PATJ: variants seen among roughly 807,000 people sequenced by gnomAD.
PATJ encodes inaD-like protein.
In PATJ, 190 loss-of-function variants were observed where a neutral mutation model predicts 224.9. That is an observed-to-expected ratio of 0.84 (90% CI 0.75 to 0.95). PATJ has a LOEUF of 0.95. Among genes scored for constraint, PATJ ranks in the 40% least tolerant of loss-of-function variants. The pLI is 0.00. For synonymous variants in PATJ, 769 were observed against 820.3 expected (o/e 0.94, Z 1.07); for missense variants, 2,121 against 2,270.3 (o/e 0.93, Z 1.34).
chr1:61,760,383 A>C (rs916015733), intron 1 of PATJ, among the ~76,000 whole-genome samples: 1 of 152,142 alleles, frequency 6.6e-6, no homozygotes, highest in African/African-American at 2.4e-5. Context: ...ATGTAAGAAA[A>C]TTTTGATTGT....
intron 37 of PATJ, among the ~76,000 whole-genome samples, chr1:62,120,202 C>CT (rs1481715507): frequency 1.3e-5 from 2 of 151,976 alleles, no homozygotes; most frequent in Non-Finnish European, 2.9e-5. Context: ...AGATAAATGG[C>CT]TATGTGATAA....
chr1:62,040,006 T>TTCTG, intron 30 of PATJ, among the ~76,000 whole-genome samples: 1 of 152,098 alleles, frequency 6.6e-6, no homozygotes, highest in Middle Eastern at 3.4e-3. Flanking sequence ...GAGGGTTCCT[T>TTCTG]TCTGGATCTC....
chr1:61,843,781 T>G (rs183856515), intron 17 of PATJ, among the ~76,000 whole-genome samples: 4 of 151,984 alleles, frequency 2.6e-5, no homozygotes, highest in African/African-American at 9.7e-5. Context: ...TAATCAGTGT[T>G]CCTATTATAT....
chr1:61,822,843 T>C, intron 14 of PATJ, 102 bp from the exon 15 acceptor site: 1 of 1,373,902 alleles, frequency 7.3e-7, no homozygotes, highest in Non-Finnish European at 1.0e-6. Context: ...GGTGATCTAA[T>C]TCAAGAGGTG....
Position 61,871,459 on chromosome 1 carries a change from A to ATATATATGTATATACATATATATGCG in PATJ, c.2836-3760_2836-3759insCGTATATATGTATATACATATATATG, listed in dbSNP as rs1557792974. On this transcript the variant is annotated intron_variant, in intron 20 of 43. Coordinates refer to ENST00000642238, the MANE Select transcript of PATJ (RefSeq NM_001350145.3). ...TGTGTATATACACATATATATGCGT[A>ATATATATGTATATACATATATATGCG]TATATATGTATATACATATATATGT... 2.8e-3 allele frequency among the ~76,000 whole-genome samples: 159 copies of ATATATATGTATATACATATATATGCG among 55,884 alleles called. 2 individuals carry two copies. The highest frequency in any genetic ancestry group is 3.8e-3 in the Admixed American group (15 of 3,898). The allele number at this position is 55,884 out of a possible 152,430, so 36.7% of individuals were successfully genotyped here.
chr1:61,949,071 GGCGGGGA>G (rs1679210690), intron 27 of PATJ, among the ~76,000 whole-genome samples: 2 of 143,506 alleles, frequency 1.4e-5, no homozygotes, highest in African/African-American at 2.6e-5. Context: ...TTGTGGGGTC[GGCGGGGA>G]GCGGGGAGGG....
chr1:61,798,889 G>GA (rs915015529), intron 11 of PATJ, among the ~76,000 whole-genome samples: 1,803 of 140,840 alleles, frequency 0.013, 41 homozygotes, highest in African/African-American at 0.044. Flanking sequence ...TCTCTTAAAA[G>GA]AAAAAAAAAA....
intron 17 of PATJ, among the ~76,000 whole-genome samples, chr1:61,840,983 A>C (rs541376792): frequency 2.0e-5 from 3 of 152,080 alleles, no homozygotes; most frequent in Admixed American, 2.0e-4. Flanking sequence ...TGAATTTGCT[A>C]ATGGTTTTCT....
chr1:62,102,035 G>A (rs141507444), intron 33 of PATJ, among the ~76,000 whole-genome samples: 102 of 151,994 alleles, frequency 6.7e-4, no homozygotes, highest in Non-Finnish European at 1.2e-3. Context: ...AAAAATTAGC[G>A]GAGCATGGTG....
At chr1:61,898,208 A>G (rs1408561398) in intron 22 of PATJ, among the ~76,000 whole-genome samples, 2 of 152,172 alleles carry the variant, frequency 1.3e-5, no homozygotes, top group African/African-American at 4.8e-5. Flanking sequence ...TGTGTAAAAT[A>G]TAATATGATC....
intron 6 of PATJ, among the ~76,000 whole-genome samples, chr1:61,774,946 G>C (rs1646832776): frequency 6.6e-6 from 1 of 152,160 alleles, no homozygotes; most frequent in African/African-American, 2.4e-5. Flanking sequence ...CTTAGGGCTA[G>C]TGCCTTATGA....
At chr1:61,930,138 A>G (rs1372413572) in intron 27 of PATJ, among the ~76,000 whole-genome samples, 2 of 151,956 alleles carry the variant, frequency 1.3e-5, no homozygotes, top group East Asian at 1.9e-4. Context: ...CTCTTCATTC[A>G]TTTTGCTTCC....
At chr1:62,063,316 G>C (rs1389710126) in intron 31 of PATJ, among the ~76,000 whole-genome samples, 2 of 152,128 alleles carry the variant, frequency 1.3e-5, no homozygotes, top group Non-Finnish European at 2.9e-5. Context: ...GTTGGTTGTA[G>C]GTGTGCAACT....
At chr1:61,852,973 C>T (rs1382112482) in intron 17 of PATJ, among the ~76,000 whole-genome samples, 2 of 152,126 alleles carry the variant, frequency 1.3e-5, no homozygotes, top group African/African-American at 4.8e-5. Context: ...CATAATGGGG[C>T]ATCTTCAGAG....
At chr1:61,835,867 G>A (rs1660096897) in intron 17 of PATJ, among the ~76,000 whole-genome samples, 1 of 152,216 alleles carries the variant, frequency 6.6e-6, no homozygotes, top group Non-Finnish European at 1.5e-5. Flanking sequence ...ATTTAATTTA[G>A]AAGATACCTT....
chr1:61,940,640 C>A (rs190634304), intron 27 of PATJ, among the ~76,000 whole-genome samples: 2 of 150,530 alleles, frequency 1.3e-5, no homozygotes, highest in Non-Finnish European at 2.9e-5. Context: ...CACTTGAACC[C>A]GGGAGGTGGA....
intron 1 of PATJ, among the ~76,000 whole-genome samples, chr1:61,761,021 C>T (rs947535634): frequency 2.0e-5 from 3 of 146,922 alleles, no homozygotes; most frequent in Non-Finnish European, 3.0e-5. Context: ...CTTTGTCACC[C>T]AGGCTGGAGT....
chr1:61,925,554 C>A (rs184688322), intron 26 of PATJ, among the ~76,000 whole-genome samples: 43 of 152,262 alleles, frequency 2.8e-4, no homozygotes, highest in Middle Eastern at 3.4e-3. Context: ...TTGGAATTAA[C>A]TGTGGGTGCC....
intron 31 of PATJ, among the ~76,000 whole-genome samples, chr1:62,061,948 C>T (rs1006052010): frequency 1.3e-4 from 20 of 152,250 alleles, no homozygotes; most frequent in Non-Finnish European, 2.2e-4. Flanking sequence ...CGTGAGCCAC[C>T]GCACCAAGAC....
Sources: gnomAD v4.1 joint callset for allele counts (sites outside exome capture counted in the v4.1 genomes callset) on GRCh38, gnomAD v4.1.1 for gene constraint, MANE v1.5 for transcripts, NCBI Gene and HGNC (gene_info 2026-07-23, HGNC 2026-07-21) for gene names.